MAP4: variants seen among roughly 807,000 people sequenced by gnomAD.
MAP4 encodes microtubule associated protein 4.
A neutral mutation model predicts 170.2 loss-of-function variants in MAP4; 76 were observed. The ratio of observed to expected loss-of-function variants is 0.45; its 90% CI spans 0.37 to 0.54. The LOEUF is 0.54. Ranked by LOEUF, MAP4 falls within the 20% of genes least tolerant of loss-of-function variation. The pLI is 0.00. For missense variants in MAP4, 2,506 were observed against 2,748.0 expected (o/e 0.91, Z 1.97); for synonymous variants, 909 against 994.5 (o/e 0.91, Z 1.62).
chr3:48,049,513 G>T (rs977753275), intron 1 of MAP4, among the ~76,000 whole-genome samples: 28 of 152,166 alleles, frequency 1.8e-4, no homozygotes, highest in African/African-American at 5.1e-4. Flanking sequence ...CCAGCTACTT[G>T]GGAGGATGAA....
At chr3:48,016,776 G>A (rs2100108009), upstream of MAP4, among the ~76,000 whole-genome samples, 1 of 119,030 alleles carries the variant, frequency 8.4e-6, no homozygotes. Flanking sequence ...CATTCTAAAG[G>A]CATTTTTTTT....
In MAP4 at chr3:48,080,952, G is replaced by T. The variant is rs561288533; in HGVS notation, c.-20+7821C>A. ...ATCCTGGCTAACACGGTGAAACCCC[G>T]TCTCTACTAAAAATACAAAAAATTA... On this transcript the variant is annotated intron_variant, in intron 1 of 18. Coordinates refer to the MAP4 transcript ENST00000360240. Among the ~76,000 whole-genome samples, 9 of 152,242 alleles carry T rather than the reference G, an allele frequency of 5.9e-5. No homozygotes were observed. In the South Asian group the frequency reaches 1.9e-3, roughly 32 times the overall value.
At chr3:47,974,163 C>A (rs1383516665) in intron 3 of MAP4, 3 of 974,860 alleles carry the variant, frequency 3.1e-6, no homozygotes, top group Non-Finnish European at 3.7e-6. Context: ...CAGTGTCTCA[C>A]ACCTGTAATC....
Position 47,909,068 on chromosome 3 carries a change from G to A in MAP4, c.5353C>T (p.Gln1785Ter). 6.2e-7 allele frequency: 1 copy of A among 1,613,858 alleles called. No individual in the cohort carries two copies. The highest frequency in any genetic ancestry group is 8.5e-7 in the Non-Finnish European group (1 of 1,179,844). ...PLLPKSTIQEQERHKQLKSAV... is the reference protein window; with the variant it reads ...PLLPKSTIQE ...GACTTCAGTTGCTTATGTCTCTCTT[G>A]TTCCTGGATTGTAGACTTTGGCAAA... The change falls in exon 9 of 21, where the codon CAA (glutamine) becomes TAA (stop). Residue 1785 changes from glutamine (Q) to a stop codon, truncating the protein, a stop_gained. Transcript: ENST00000683076. LOFTEE classifies it high-confidence loss of function.
At chr3:48,029,130 G>A (rs2100114620) in intron 1 of MAP4, among the ~76,000 whole-genome samples, 1 of 151,884 alleles carries the variant, frequency 6.6e-6, no homozygotes, top group African/African-American at 2.4e-5. Context: ...GGGCAACAGA[G>A]TGAGACTCTG....
intron 1 of MAP4, among the ~76,000 whole-genome samples, chr3:48,054,980 A>G (rs535407496): frequency 6.6e-6 from 1 of 152,278 alleles, no homozygotes; most frequent in South Asian, 2.1e-4. Flanking sequence ...GCAAAGGCCA[A>G]GTGGGGAGCC....
chr3:47,888,757 T>C (rs1314318991), intron 10 of MAP4, among the ~76,000 whole-genome samples: 1 of 152,206 alleles, frequency 6.6e-6, no homozygotes, highest in Non-Finnish European at 1.5e-5. Flanking sequence ...TCCAAACAAC[T>C]TTCTAGAATT....
At chr3:47,964,434 T>G (rs1329127443) in intron 3 of MAP4, among the ~76,000 whole-genome samples, 3 of 152,182 alleles carry the variant, frequency 2.0e-5, no homozygotes, top group African/African-American at 7.2e-5. Flanking sequence ...TGTTTAGCCT[T>G]AACAACCAGG....
chr3:47,914,913 A>C lies in MAP4; in HGVS notation c.1903T>G (p.Cys635Gly). ...PETVTGTGKK[C>G]SLPAEEDSVL... is the part of the protein sequence containing the mutation. ...GAATCCTCCTCGGCCGGCAAGCTGCACTTTTTCCCCGTTCCTGTGACGGTT... is the reference window on the plus strand; with the variant it reads ...GAATCCTCCTCGGCCGGCAAGCTGCCCTTTTTCCCCGTTCCTGTGACGGTT... Residue 635 changes from cysteine to glycine, a missense_variant, in exon 8 of 21, where the codon TGC (cysteine) becomes GGC (glycine). Cys to Gly is a radical substitution (Grantham distance 159). This residue lies in a region of MAP4 where 2,008 missense variants were observed against 2,206.0 expected (regional missense o/e 0.91). Transcript: ENST00000683076. 6.2e-7 allele frequency: 1 copy of C among 1,614,016 alleles called. No individual in the cohort carries two copies. The highest frequency in any genetic ancestry group is 8.5e-7 in the Non-Finnish European group (1 of 1,180,004).
At chr3:47,924,888 G>A (rs1293071753) in intron 4 of MAP4, among the ~76,000 whole-genome samples, 1 of 151,584 alleles carries the variant, frequency 6.6e-6, no homozygotes, top group Admixed American at 6.6e-5. Context: ...TCAGCTTACT[G>A]CAACCTCCGC....
At chr3:47,898,535 G>C (rs893717390) in intron 10 of MAP4, among the ~76,000 whole-genome samples, 4 of 151,504 alleles carry the variant, frequency 2.6e-5, no homozygotes, top group African/African-American at 9.7e-5. Flanking sequence ...TATTGCTTTT[G>C]CAAGGCATAC....
rs770721726 is a variant in MAP4 at position 47,909,783 on chromosome 3, C to A, written c.4638G>T (p.Gly1546=). 6.2e-7 allele frequency: 1 copy of A among 1,614,020 alleles called. No homozygotes were observed. The highest frequency in any genetic ancestry group is 8.5e-7 in the Non-Finnish European group (1 of 1,179,902). Residue 1546 remains glycine, a synonymous_variant, in exon 9 of 21, where the codon GGG becomes GGT. Transcript: ENST00000683076. ...CTGACTCAGATTCTCCTATCACATGCCCTTCATCGATCCCTGCTTCATTTT... is the reference window on the plus strand; with the variant it reads ...CTGACTCAGATTCTCCTATCACATGACCTTCATCGATCCCTGCTTCATTTT... ...SMKNEAGIDE[G]HVIGESESVH...
intron 10 of MAP4, among the ~76,000 whole-genome samples, chr3:47,879,670 T>C (rs1306012788): frequency 7.1e-6 from 1 of 141,806 alleles, no homozygotes; most frequent in Non-Finnish European, 1.6e-5. Flanking sequence ...AGTGTAGCTT[T>C]GTGTAACCAC....
chr3:48,076,641 T>G (rs2100144066), intron 1 of MAP4, among the ~76,000 whole-genome samples: 1 of 151,866 alleles, frequency 6.6e-6, no homozygotes, highest in Non-Finnish European at 1.5e-5. Flanking sequence ...ATCATGCCAC[T>G]GCACTCCAGC....
At chr3:48,066,430 A>C (rs181334087) in intron 1 of MAP4, among the ~76,000 whole-genome samples, 1 of 152,166 alleles carries the variant, frequency 6.6e-6, no homozygotes, top group Non-Finnish European at 1.5e-5. Flanking sequence ...TTTGATATAT[A>C]GTTAGCCCTC....
chr3:47,900,311 T>G (rs2100029323), intron 10 of MAP4, among the ~76,000 whole-genome samples: 1 of 152,226 alleles, frequency 6.6e-6, no homozygotes, highest in African/African-American at 2.4e-5. Context: ...ACATTTCTCA[T>G]GTTTTAACTC....
intron 17 of MAP4, among the ~76,000 whole-genome samples, chr3:47,862,029 C>T (rs562559321): frequency 2.1e-4 from 31 of 148,860 alleles, no homozygotes; most frequent in African/African-American, 7.2e-4. Flanking sequence ...GGCGTGGCGG[C>T]GGGTGCCTGT....
intron 2 of MAP4, among the ~76,000 whole-genome samples, chr3:47,996,737 G>GACACAC (rs57673370): frequency 0.018 from 2,570 of 146,522 alleles, 51 homozygotes; most frequent in African/African-American, 0.047. Context: ...CAAAAACTAA[G>GACACAC]ACACACACAC....
intron 11 of MAP4, among the ~76,000 whole-genome samples, chr3:47,876,299 T>C (rs1247998492): frequency 6.6e-6 from 1 of 151,968 alleles, no homozygotes; most frequent in East Asian, 1.9e-4. Flanking sequence ...ACCCAGCTAA[T>C]TTTTTGTATT....
Sources: allele counts gnomAD v4.1 joint callset (sites outside exome capture counted in the v4.1 genomes callset), GRCh38; gene constraint gnomAD v4.1.1; regional missense constraint gnomAD v4.1.1; transcripts MANE v1.5; gene names NCBI Gene and HGNC (gene_info 2026-07-23, HGNC 2026-07-21).